Variants in VSIG8 observed in about 807,000 individuals in gnomAD.
The protein encoded by VSIG8 is V-set and immunoglobulin domain containing 8, also known as V-set and immunoglobulin domain-containing protein 8.
Under a neutral mutation model 42.6 loss-of-function variants are expected in VSIG8, and 32 were observed. The ratio of observed to expected loss-of-function variants is 0.75; its 90% confidence interval spans 0.57 to 1.01. VSIG8 has a LOEUF of 1.01. VSIG8 is among the 50% of genes least tolerant of loss of function. The probability of loss-of-function intolerance (pLI) is 0.00; values close to 1 mark genes in which losing one functional copy is unlikely to be tolerated. For missense variants in VSIG8, 529 were observed against 558.0 expected, an observed-to-expected ratio of 0.95 and a Z score of 0.52; for synonymous variants, 290 against 243.8, an observed-to-expected ratio of 1.19 and a Z score of -1.77.
rs544611475 is a variant in VSIG8, at chr1:159,854,839, A to T, written c.1159T>A (p.Ser387Thr). 6.7e-7 allele frequency: 1 copy of T among 1,490,112 alleles called. No homozygotes were observed. The highest frequency in any genetic ancestry group is 1.5e-5 in the African/African-American group (1 of 68,294). The allele number at this position is 1,490,112 out of a possible 1,614,324, so 92.3% of individuals were successfully genotyped here. ...TAAAACEAGP[S>T]PVYVKVKSAE... The stretch of plus-strand genomic sequence containing the variant: ...CTCTTGACCTTGACGTAGACCGGGG[A>T]GGGGCCCGCTTCGCAGGCGGCGGCG... The change falls in exon 7 of 7, where the codon TCC becomes ACC. Residue 387 changes from serine to threonine, a missense_variant. By Grantham distance (58) the Ser-to-Thr change is moderately conservative. Transcript: ENST00000368100.
In VSIG8 at chr1:159,856,623, C is replaced by G; in HGVS notation, c.673G>C (p.Val225Leu). ...INQGLNNGDL[V>L]LKDISRADDG... ...TCTGCTCTGGAGATATCCTTCAACACCAGGTCCCCATTGTTCAGGCCTGAA... is the reference window on the plus strand; with the variant it reads ...TCTGCTCTGGAGATATCCTTCAACAGCAGGTCCCCATTGTTCAGGCCTGAA... The change falls in exon 5 of 7, where the codon GTG becomes CTG. Residue 225 changes from valine to leucine, a missense_variant. Transcript: ENST00000368100. 1 of 1,614,144 alleles carries G rather than the reference C, an allele frequency of 6.2e-7. No homozygotes were observed. The highest frequency in any genetic ancestry group is 8.5e-7 in the Non-Finnish European group (1 of 1,180,002).
chr1:159,862,357 G>A, intron 1 of VSIG8, 116 bp downstream of exon 1: 2 of 1,137,792 alleles, frequency 1.8e-6, no homozygotes, highest in Non-Finnish European at 2.5e-6. Context: ...GGCAAGGGTG[G>A]GCAGCACCCT....
chr1:159,862,283 A>G (rs778015169), intron 1 of VSIG8, 190 bp downstream of exon 1: 9 of 563,200 alleles, frequency 1.6e-5, no homozygotes, highest in Non-Finnish European at 2.5e-5. Flanking sequence ...ACACACCCTG[A>G]ACATCAGGCA....
intron 5 of VSIG8, 127 bp downstream of exon 5, chr1:159,856,397 G>T: frequency 6.6e-7 from 1 of 1,509,962 alleles, no homozygotes; most frequent in Non-Finnish European, 9.0e-7. Context: ...TAGGAAAGGG[G>T]CTGGGAGCCC....
In VSIG8 at chr1:159,856,085, T is replaced by C; in HGVS notation, c.773-4A>G. On this transcript the variant is annotated splice_region_variant and splice_polypyrimidine_tract_variant and intron_variant, in intron 5 of 6. Transcript: ENST00000368100. ...ATCACGCCTATACGCCGGGAGTCTG[T>C]GGAGAGAAGTGGAGGCAGGTCAGGC... The C allele has an allele frequency of 6.2e-7, 1 of 1,608,352 alleles. No homozygotes were observed. The highest frequency in any genetic ancestry group is 2.2e-5 in the East Asian group (1 of 44,608).
chr1:159,858,229 G>T lies in VSIG8; in HGVS notation c.291C>A (p.Val97=), dbSNP rs750119217. 6.2e-7 allele frequency: 1 copy of T among 1,614,236 alleles called. No homozygotes were observed. Among genetic ancestry groups the T allele is most frequent in the Non-Finnish European group, 8.5e-7 (1 of 1,180,042 alleles). ...HGSLPHLQQR[V]RFAASDPSQY... ...GGCTTGGGTCTGAGGCTGCAAAGCG[G>T]ACCCTCTGCTGCAGATGGGGAAGGC... The change falls in exon 3 of 7, where the codon GTC becomes GTA. Residue 97 remains valine (V), a synonymous_variant. Transcript: ENST00000368100.
At chr1:159,855,769 A>T in intron 6 of VSIG8, 114 bp downstream of exon 6, 3 of 1,340,192 alleles carry the variant, frequency 2.2e-6, no homozygotes, top group Non-Finnish European at 2.9e-6. Flanking sequence ...CTCCGTGGCG[A>T]TGGCGGGCAG....
In VSIG8 at chr1:159,854,426, T is replaced by G; in HGVS notation, c.*327A>C. On this transcript the variant is annotated 3_prime_UTR_variant, in exon 7 of 7. Coordinates refer to ENST00000368100, the MANE Select transcript of VSIG8 (RefSeq NM_001013661.1). ...CCCACCCACCCGGCCCCCGGGGCCC[T>G]CTGCTTAGGCTGGGGACACCAGGCC... 2 of 202,736 alleles carry G rather than the reference T, an allele frequency of 9.9e-6. No homozygotes were observed. Among genetic ancestry groups the G allele is most frequent in the East Asian group, 1.5e-4 (1 of 6,700 alleles). 12.6% of individuals were successfully genotyped at this position (202,736 alleles called of 1,614,324 possible).
At chr1:159,858,589 T>G (rs1421561518) in intron 2 of VSIG8, 145 bp downstream of exon 2, 1 of 899,128 alleles carries the variant, frequency 1.1e-6, no homozygotes, top group Admixed American at 2.9e-5. Flanking sequence ...AATTCACAAT[T>G]GCAGAGCTCT....
intron 6 of VSIG8, chr1:159,855,276 C>T (rs1343502108): frequency 1.1e-5 from 17 of 1,549,882 alleles, no homozygotes; most frequent in Non-Finnish European, 1.5e-5. Context: ...CTGGAGAGCC[C>T]TGCAGGCAGC....
chr1:159,855,369 A>C, intron 6 of VSIG8: 2 of 1,438,688 alleles, frequency 1.4e-6, no homozygotes, highest in Non-Finnish European at 1.8e-6. Context: ...TCCTTAGCTA[A>C]TCCTGACCTT....
intron 5 of VSIG8, among the ~76,000 whole-genome samples, 187 bp downstream of exon 5, chr1:159,856,337 G>C (rs774968369): frequency 2.2e-4 from 34 of 152,254 alleles, no homozygotes; most frequent in Non-Finnish European, 4.1e-4. Flanking sequence ...GGGCGAGCTT[G>C]ACCCAGCTCA....
intron 6 of VSIG8, 144 bp downstream of exon 6, chr1:159,855,739 G>C: frequency 1.5e-6 from 2 of 1,375,530 alleles, no homozygotes; most frequent in Non-Finnish European, 9.4e-7. Context: ...GTGGCAGGTC[G>C]ACATGCCGCA....
At chr1:159,858,587 A>G in intron 2 of VSIG8, 147 bp downstream of exon 2, 1 of 894,950 alleles carries the variant, frequency 1.1e-6, no homozygotes. Context: ...TTAATTCACA[A>G]TTGCAGAGCT....
intron 1 of VSIG8, among the ~76,000 whole-genome samples, chr1:159,860,166 A>G (rs1648975661): frequency 6.6e-6 from 1 of 152,178 alleles, no homozygotes; most frequent in Non-Finnish European, 1.5e-5. Flanking sequence ...GCTCAGGACC[A>G]TGTTTACACA....
rs951697519 is a variant in VSIG8, at chr1:159,854,870, G to T, written c.1128C>A (p.Cys376Ter). 8 of 1,475,754 alleles carry T rather than the reference G, an allele frequency of 5.4e-6. No individual in the cohort carries two copies. In the Admixed American group the frequency reaches 2.0e-4, roughly 36 times the overall value. The allele number at this position is 1,475,754 out of a possible 1,614,324, so 91.4% of individuals were successfully genotyped here. A position where few individuals can be genotyped will look rare whatever the true frequency, so the allele number is the denominator to read the frequency against. Residue 376 changes from cysteine (C) to a stop codon, truncating the protein, a stop_gained, in exon 7 of 7, where the codon TGC (cysteine) becomes TGA (stop). Transcript: ENST00000368100. LOFTEE classifies it high-confidence loss of function. The stretch of plus-strand genomic sequence containing the variant: ...CCGCTTCGCAGGCGGCGGCGGCGGT[G>T]CAGGGCGCCAGGGCCACGTCCTCGG... Reference protein sequence around the residue: ...GGPEDVALAPCTAAAACEAGP... With the variant: ...GGPEDVALAP
chr1:159,855,793 G>T (rs928482090), intron 6 of VSIG8, 90 bp downstream of exon 6: 20 of 1,440,292 alleles, frequency 1.4e-5, no homozygotes, highest in South Asian at 1.2e-4. Context: ...TGGGGTGGGG[G>T]GCCCAGCCGG....
In VSIG8 at chr1:159,855,963, G is replaced by A. The variant is rs1190863613; in HGVS notation, c.891C>T (p.Gly297=). ...VCCCCGGSGA[G]GARGAFGYGN... ...CGTAGCCGAAGGCACCGCGGGCGCC[G>A]CCAGCCCCGGAGCCCCCGCAGCAGC... is the stretch of plus-strand genomic sequence containing the variant. Residue 297 remains glycine (G), a synonymous_variant, in exon 6 of 7, where the codon GGC becomes GGT. Transcript: ENST00000368100. 21 of 1,586,682 alleles carry A rather than the reference G, an allele frequency of 1.3e-5. No individual in the cohort carries two copies. Among genetic ancestry groups the A allele is most frequent in the African/African-American group, 4.0e-5 (3 of 74,270 alleles).
rs115063863 is a variant in VSIG8, at chr1:159,857,295, C to G, written c.652+450G>C. ...CTGCTCTCAATAGCAGCTGCTGGGC[C>G]AGGCACGGTGGCTCACGCCTGTAAT... On this transcript the variant is annotated intron_variant, in intron 4 of 6. Coordinates refer to ENST00000368100, the MANE Select transcript of VSIG8 (RefSeq NM_001013661.1). 1.8e-3 allele frequency among the ~76,000 whole-genome samples: 275 copies of G among 152,314 alleles called. 2 individuals carry two copies. The highest frequency in any genetic ancestry group is 5.7e-3 in the African/African-American group (236 of 41,566).
Sources: gnomAD v4.1 joint callset for allele counts (sites outside exome capture counted in the v4.1 genomes callset) on GRCh38, gnomAD v4.1.1 for gene constraint, MANE v1.5 for transcripts, NCBI Gene and HGNC (gene_info 2026-07-23, HGNC 2026-07-21) for gene names.